The following IGF2BP1 variants were observed in gnomAD, a reference collection of about 807,000 sequenced individuals.
IGF2BP1 encodes insulin-like growth factor 2 mRNA-binding protein 1.
A neutral mutation model predicts 74.9 loss-of-function variants in IGF2BP1; 11 were observed. The ratio of observed to expected loss-of-function variants is 0.15; its 90% CI spans 0.09 to 0.24. The LOEUF is 0.24. Ranked by LOEUF, IGF2BP1 falls within the 10% of genes least tolerant of loss-of-function variation. The pLI is 1.00. For missense variants in IGF2BP1, 440 were observed against 757.4 expected (o/e 0.58, Z 4.92); for synonymous variants, 287 against 281.8 (o/e 1.02, Z -0.18).
intron 5 of IGF2BP1, among the ~76,000 whole-genome samples, chr17:49,035,845 G>T (rs948156077): frequency 6.6e-6 from 1 of 152,336 alleles, no homozygotes; most frequent in African/African-American, 2.4e-5. Flanking sequence ...CAGCTTGGTG[G>T]CAGGCGATAG....
intron 2 of IGF2BP1, among the ~76,000 whole-genome samples, chr17:48,999,715 C>T (rs1320878991): frequency 6.6e-6 from 1 of 151,218 alleles, no homozygotes; most frequent in African/African-American, 2.4e-5. Context: ...TTTCCATGGA[C>T]CCCCCACCCC....
At chr17:49,010,424 C>T (rs2041603371) in intron 2 of IGF2BP1, among the ~76,000 whole-genome samples, 1 of 149,232 alleles carries the variant, frequency 6.7e-6, no homozygotes, top group African/African-American at 2.5e-5. Flanking sequence ...TCACGTCATT[C>T]TCCTGCCTCA....
intron 2 of IGF2BP1, among the ~76,000 whole-genome samples, chr17:49,002,149 C>CT (rs980020342): frequency 2.6e-5 from 4 of 151,898 alleles, no homozygotes; most frequent in Admixed American, 1.3e-4. Flanking sequence ...TCTATGTTGA[C>CT]TAAAAATGAG....
intron 3 of IGF2BP1, 28 bp from the exon 4 acceptor site, chr17:49,026,438 A>G: frequency 1.2e-6 from 2 of 1,610,586 alleles, no homozygotes; most frequent in South Asian, 2.2e-5. Flanking sequence ...CTCAGAGTTA[A>G]GTGTACTTCC....
At chr17:48,999,924 GT>G (rs2041465051) in intron 2 of IGF2BP1, among the ~76,000 whole-genome samples, 11 of 20,378 alleles carry the variant, frequency 5.4e-4, no homozygotes, top group African/African-American at 2.7e-3. Context: ...TGGATGAATG[GT>G]GTGTGTGTGT....
chr17:48,999,973 T>TGTGTGTGTGTGTGTGTGTG (rs1448627814), intron 2 of IGF2BP1, among the ~76,000 whole-genome samples: 1 of 151,368 alleles, frequency 6.6e-6, no homozygotes, highest in Admixed American at 6.6e-5. Context: ...TTCGTGTGTG[T>TGTGTGTGTGTGTGTGTGTG]TCCAATACCC....
chr17:49,009,242 C>A (rs941466451), intron 2 of IGF2BP1, among the ~76,000 whole-genome samples: 1 of 151,254 alleles, frequency 6.6e-6, no homozygotes, highest in South Asian at 2.2e-4. Context: ...GTTGGCCAGG[C>A]TGGTCTGAAG....
intron 2 of IGF2BP1, among the ~76,000 whole-genome samples, chr17:49,021,647 G>A (rs1253481889): frequency 6.6e-6 from 1 of 152,180 alleles, no homozygotes; most frequent in Non-Finnish European, 1.5e-5. Context: ...TATTGCCAGG[G>A]GCTGGTTGCT....
intron 2 of IGF2BP1, among the ~76,000 whole-genome samples, chr17:49,010,998 A>T (rs2041610134): frequency 6.6e-6 from 1 of 151,672 alleles, no homozygotes; most frequent in Admixed American, 6.6e-5. Context: ...CTAGCCAGGC[A>T]TGGTGGCGCG....
chr17:49,009,183 C>T (rs139395709), intron 2 of IGF2BP1, among the ~76,000 whole-genome samples: 106 of 152,084 alleles, frequency 7.0e-4, no homozygotes, highest in African/African-American at 2.4e-3. Context: ...TGTGCGCCAG[C>T]ACCCCTGGCT....
intron 8 of IGF2BP1, 140 bp downstream of exon 8, chr17:49,041,640 T>A: frequency 8.7e-7 from 1 of 1,148,412 alleles, no homozygotes; most frequent in Non-Finnish European, 1.2e-6. Context: ...GTCGAAGTGG[T>A]AAAGAGCATT....
At chr17:49,010,793 G>A (rs1376103639) in intron 2 of IGF2BP1, among the ~76,000 whole-genome samples, 6 of 151,538 alleles carry the variant, frequency 4.0e-5, no homozygotes, top group Non-Finnish European at 1.5e-5. Flanking sequence ...AGGAAAAACT[G>A]AGAGTACAGA....
At chr17:49,025,878 G>A (rs2041847843) in intron 3 of IGF2BP1, among the ~76,000 whole-genome samples, 1 of 121,880 alleles carries the variant, frequency 8.2e-6, no homozygotes, top group Admixed American at 8.2e-5. Flanking sequence ...TTTTTGAGAT[G>A]GAGTTTTGCT....
At chr17:49,025,853 C>CTTTTTT (rs749731111) in intron 3 of IGF2BP1, among the ~76,000 whole-genome samples, 187 bp downstream of exon 3, 15 of 140,350 alleles carry the variant, frequency 1.1e-4, no homozygotes, top group African/African-American at 2.2e-4. Flanking sequence ...TCTTTCTTTT[C>CTTTTTT]TTTCTTTTTT....
chr17:49,014,746 C>T, intron 2 of IGF2BP1: 1 of 984,868 alleles, frequency 1.0e-6, no homozygotes, highest in Middle Eastern at 5.2e-4. Context: ...GCTTGCGGGG[C>T]TGGTGCCCAG....
chr17:49,042,931 A>G lies in IGF2BP1; in HGVS notation c.1078-497A>G, dbSNP rs2042068448. 2.0e-5 allele frequency among the ~76,000 whole-genome samples: 3 copies of G among 152,206 alleles called. No individual in the cohort carries two copies. In the South Asian group the frequency reaches 6.2e-4, roughly 32 times the overall value. On this transcript the variant is annotated intron_variant, in intron 9 of 14. Transcript: ENST00000290341. ...ACTCCTGGGCTCAAGCGATTCTCCT[A>G]CCTTGGCCTCCCAAAGTACTAGGAT...
At position 49,045,074 on chromosome 17, in the gene IGF2BP1, C is replaced by A; in HGVS notation, c.1395+9C>A. The A allele has an allele frequency of 1.2e-6, 2 of 1,612,222 alleles. No individual in the cohort carries two copies. Among genetic ancestry groups the A allele is most frequent in the South Asian group, 1.1e-5 (1 of 90,982 alleles). ...CAGAGGCCCAATTCAAGGTTTTGGT[C>A]TTTATTGTTTTCCAAGCTGAACATG... On this transcript the variant is annotated intron_variant, in intron 12 of 14. Coordinates refer to ENST00000290341, the MANE Select transcript of IGF2BP1 (RefSeq NM_006546.4).
intron 14 of IGF2BP1, among the ~76,000 whole-genome samples, chr17:49,046,847 C>G (rs1172644027): frequency 2.6e-5 from 4 of 152,098 alleles, no homozygotes; most frequent in Admixed American, 6.5e-5. Context: ...GGTTTCTGCT[C>G]TTCCACCCTC....
rs527697252 is a variant in IGF2BP1 at position 49,055,659 on chromosome 17, C to T, written c.*6215C>T. ...CGTCCTCTATCACCATTTGGAGTCT[C>T]CCTTTTCTCCAGGATCTTGATCCTG... On this transcript the variant is annotated 3_prime_UTR_variant, in exon 15 of 15. Transcript: ENST00000290341. The T allele has an allele frequency of 2.5e-6, 1 of 398,518 alleles. No individual in the cohort carries two copies. Among genetic ancestry groups the T allele is most frequent in the East Asian group, 3.6e-5 (1 of 28,082 alleles). 24.7% of individuals were successfully genotyped at this position (398,518 alleles called of 1,614,324 possible).
Sources: allele counts gnomAD v4.1 joint callset (sites outside exome capture counted in the v4.1 genomes callset), GRCh38; gene constraint gnomAD v4.1.1; transcripts MANE v1.5; gene names NCBI Gene and HGNC (gene_info 2026-07-23, HGNC 2026-07-21).